Variants in DPH6 observed in about 807,000 individuals in gnomAD.
DPH6 encodes the protein diphthine--ammonia ligase.
Under a neutral mutation model 38.2 loss-of-function variants are expected in DPH6, and 33 were observed. The observed-to-expected ratio is 0.86, with a 90% CI of 0.65 to 1.15. The LOEUF is 1.15. DPH6 is among the 50% of genes most tolerant of loss of function. The pLI is 0.00. For missense variants in DPH6, 325 were observed against 320.0 expected (o/e 1.02, Z -0.12); for synonymous variants, 108 against 103.0 (o/e 1.05, Z -0.30).
the DPH6 span, chr15:35,169,735 G>A: frequency 6.6e-6 from 1 of 152,026 alleles, no homozygotes; most frequent in Admixed American, 6.6e-5. Flanking sequence ...AATGTTGGTG[G>A]GACATAACTG....
intron 3 of DPH6, among the ~76,000 whole-genome samples, chr15:35,224,461 C>T (rs1397887929): frequency 6.6e-6 from 1 of 152,138 alleles, no homozygotes. Context: ...GTTTGTTCAT[C>T]CACTCATCTA....
the DPH6 span, among the ~76,000 whole-genome samples, chr15:35,166,388 C>G: frequency 6.6e-6 from 1 of 151,934 alleles, no homozygotes; most frequent in Non-Finnish European, 1.5e-5. Flanking sequence ...TTCTTTGGGT[C>G]TTCACTTCCT....
chr15:35,450,854 C>A, intron 4 of DPH6, 51 bp from the exon 5 acceptor site: 1 of 1,373,906 alleles, frequency 7.3e-7, no homozygotes. Context: ...ATGTTTTATA[C>A]TTGGATCCAC....
chr15:35,262,575 G>A lies in DPH6; in HGVS notation n.201-41993C>T, dbSNP rs543968046. 1.2e-3 allele frequency among the ~76,000 whole-genome samples: 184 copies of A among 151,876 alleles called. 1 individual carries two copies. Among genetic ancestry groups the A allele is most frequent in the African/African-American group, 4.1e-3 (168 of 41,392 alleles). On this transcript the variant is annotated intron_variant and non_coding_transcript_variant, in intron 3 of 3. Coordinates refer to the DPH6 transcript ENST00000560386. Reference sequence around the variant, plus strand: ...CAAAAAATTAGCTGGGCGTGGTGGCGGGCGCCTGTAGTCCCAGCTACTGGA... The same window carrying A: ...CAAAAAATTAGCTGGGCGTGGTGGCAGGCGCCTGTAGTCCCAGCTACTGGA...
At chr15:35,229,716 C>G (rs766111111) in intron 3 of DPH6, among the ~76,000 whole-genome samples, 1 of 152,144 alleles carries the variant, frequency 6.6e-6, no homozygotes, top group Non-Finnish European at 1.5e-5. Context: ...TTTGAAAGGA[C>G]TTGGGTGTTG....
At chr15:35,327,336 CTTTTTTTTTTT>C (rs376483680), downstream of DPH6, among the ~76,000 whole-genome samples, 2 of 127,814 alleles carry the variant, frequency 1.6e-5, no homozygotes, top group Non-Finnish European at 3.3e-5. Context: ...GAAAAGGTTC[CTTTTTTTTTTT>C]TTTTTTTTTG....
Position 35,372,083 on chromosome 15 carries a change from GA to G in DPH6, c.*66del. The G allele has an allele frequency of 1.4e-6, 2 of 1,477,890 alleles. No homozygotes were observed. The highest frequency in any genetic ancestry group is 1.8e-6 in the Non-Finnish European group (2 of 1,118,956). 91.5% of individuals were successfully genotyped at this position (1,477,890 alleles called of 1,614,324 possible). ...AAAAAATAAACTAGTCATAGTAACT[GA>G]GAAAATACTATGCAATTTTTTTGTA... is the stretch of plus-strand genomic sequence containing the variant. On this transcript the variant is annotated 3_prime_UTR_variant, in exon 9 of 9. Coordinates refer to ENST00000256538, the MANE Select transcript of DPH6 (RefSeq NM_080650.4).
chr15:35,287,056 C>T (rs543589840), intron 3 of DPH6, among the ~76,000 whole-genome samples: 29 of 152,176 alleles, frequency 1.9e-4, no homozygotes, highest in Admixed American at 3.3e-4. Context: ...AGACTGAAGT[C>T]TACAATACCA....
At chr15:35,478,606 C>T (rs1216042868) in intron 3 of DPH6, among the ~76,000 whole-genome samples, 1 of 151,812 alleles carries the variant, frequency 6.6e-6, no homozygotes, top group Non-Finnish European at 1.5e-5. Context: ...ACAGTTCTAC[C>T]TAGGGCCTCA....
At chr15:35,525,498 G>C (rs919227905) in intron 3 of DPH6, among the ~76,000 whole-genome samples, 1 of 152,148 alleles carries the variant, frequency 6.6e-6, no homozygotes, top group African/African-American at 2.4e-5. Flanking sequence ...ACATAGCATA[G>C]CATGTGTTAC....
chr15:35,200,459 A>C, the DPH6 span, among the ~76,000 whole-genome samples: 2 of 152,332 alleles, frequency 1.3e-5, no homozygotes, highest in Middle Eastern at 3.4e-3. Context: ...ACATTAAAAA[A>C]GATTATTTGA....
chr15:35,341,690 T>C (rs1478884039), intron 3 of DPH6, among the ~76,000 whole-genome samples: 1 of 152,154 alleles, frequency 6.6e-6, no homozygotes, highest in Non-Finnish European at 1.5e-5. Flanking sequence ...CCTGGAGGCA[T>C]CACCAGTGAA....
chr15:35,349,900 G>A (rs77375088), intron 3 of DPH6, among the ~76,000 whole-genome samples: 4,860 of 152,212 alleles, frequency 0.032, 241 homozygotes, highest in African/African-American at 0.11. Context: ...ATTCATCAGG[G>A]ATATTGGTTT....
chr15:35,360,027 G>A (rs978413161), intron 3 of DPH6, among the ~76,000 whole-genome samples: 1 of 151,990 alleles, frequency 6.6e-6, no homozygotes, highest in African/African-American at 2.4e-5. Context: ...TTTCTTTAGC[G>A]CTGGTTATTG....
At chr15:35,380,003 A>G (rs79896278) in intron 7 of DPH6, among the ~76,000 whole-genome samples, 2 of 150,188 alleles carry the variant, frequency 1.3e-5, no homozygotes, top group African/African-American at 4.9e-5. Context: ...GCCTATGAAG[A>G]AAAAAAAAAG....
intron 3 of DPH6, among the ~76,000 whole-genome samples, chr15:35,313,601 G>A (rs975304504): frequency 6.6e-6 from 1 of 151,882 alleles, no homozygotes; most frequent in Admixed American, 6.6e-5. Context: ...CGTATCTATT[G>A]CAAATGAGAC....
intron 5 of DPH6, among the ~76,000 whole-genome samples, chr15:35,428,317 T>C (rs1277562306): frequency 1.3e-5 from 2 of 152,070 alleles, no homozygotes; most frequent in African/African-American, 4.8e-5. Context: ...TCTATAAAAC[T>C]GTCTTCAGAG....
intron 5 of DPH6, among the ~76,000 whole-genome samples, chr15:35,423,258 C>T (rs2053528536): frequency 6.6e-6 from 1 of 151,652 alleles, no homozygotes; most frequent in African/African-American, 2.4e-5. Context: ...GACGTGATAC[C>T]TCATTGTGGT....
intron 3 of DPH6, among the ~76,000 whole-genome samples, chr15:35,339,133 G>T (rs971135356): frequency 1.3e-5 from 2 of 151,932 alleles, no homozygotes; most frequent in African/African-American, 4.8e-5. Flanking sequence ...GCATACATAT[G>T]TAACAAACCT....
Sources: allele counts gnomAD v4.1 joint callset (sites outside exome capture counted in the v4.1 genomes callset), GRCh38; gene constraint gnomAD v4.1.1; transcripts MANE v1.5; gene names NCBI Gene and HGNC (gene_info 2026-07-23, HGNC 2026-07-21).